Variants in CNTNAP2 observed in about 807,000 individuals in gnomAD.
The protein encoded by CNTNAP2 is contactin associated protein 2.
A neutral mutation model predicts 155.2 loss-of-function variants in CNTNAP2; 98 were observed. The ratio of observed to expected loss-of-function variants is 0.63; its 90% CI spans 0.54 to 0.75. CNTNAP2 has a LOEUF of 0.75. Ranked by LOEUF, CNTNAP2 falls within the 30% of genes least tolerant of loss-of-function variation. The probability of loss-of-function intolerance (pLI) is 0.00; values close to 1 mark genes in which losing one functional copy is unlikely to be tolerated. For synonymous variants in CNTNAP2, 651 were observed against 631.2 expected, an observed-to-expected ratio of 1.03 and a Z score of -0.47; for missense variants, 1,727 against 1,688.1, an observed-to-expected ratio of 1.02 and a Z score of -0.40.
At chr7:146,317,677 C>G (rs1164682855) in intron 1 of CNTNAP2, among the ~76,000 whole-genome samples, 1 of 152,214 alleles carries the variant, frequency 6.6e-6, no homozygotes, top group Non-Finnish European at 1.5e-5. Context: ...ATTGGTTCTT[C>G]TGTATTGGAT....
intron 13 of CNTNAP2, among the ~76,000 whole-genome samples, chr7:147,658,587 C>T (rs951991823): frequency 5.3e-5 from 8 of 152,260 alleles, no homozygotes; most frequent in African/African-American, 1.4e-4. Flanking sequence ...TTCTCTACCC[C>T]GCCAAATCTC....
intron 1 of CNTNAP2, among the ~76,000 whole-genome samples, chr7:146,221,088 T>C (rs1332227937): frequency 6.6e-6 from 1 of 152,214 alleles, no homozygotes; most frequent in Admixed American, 6.5e-5. Context: ...AGAATGAATC[T>C]GCATGAGTTG....
At chr7:146,602,713 A>G (rs1203359021) in intron 1 of CNTNAP2, among the ~76,000 whole-genome samples, 4 of 152,236 alleles carry the variant, frequency 2.6e-5, no homozygotes, top group Non-Finnish European at 5.9e-5. Flanking sequence ...AAAATATTAT[A>G]CTAAAGTCTA....
At position 146,692,060 on chromosome 7, in the gene CNTNAP2, A is replaced by T. The variant is rs528032067; in HGVS notation, c.98-82211A>T. Among the ~76,000 whole-genome samples, 4 of 152,254 alleles carry T rather than the reference A, an allele frequency of 2.6e-5. No individual in the cohort carries two copies. In the South Asian group the frequency reaches 8.3e-4, roughly 32 times the overall value. On this transcript the variant is annotated intron_variant, in intron 1 of 23. Transcript: ENST00000361727. ...AAAATTGGTCAGAGATGACAGTCTAACTAGCAAAAAAGGAATGTGTCTTTC... is the reference window on the plus strand; with the variant it reads ...AAAATTGGTCAGAGATGACAGTCTATCTAGCAAAAAAGGAATGTGTCTTTC...
chr7:146,379,779 G>C (rs753735789), intron 1 of CNTNAP2, among the ~76,000 whole-genome samples: 1 of 152,140 alleles, frequency 6.6e-6, no homozygotes, highest in African/African-American at 2.4e-5. Context: ...CTATAGGCAT[G>C]TGGGACGATA....
intron 2 of CNTNAP2, among the ~76,000 whole-genome samples, chr7:146,813,849 G>A (rs958892936): frequency 1.3e-5 from 2 of 152,098 alleles, no homozygotes; most frequent in Non-Finnish European, 2.9e-5. Flanking sequence ...CATGGGGATG[G>A]TTACCTGCAC....
intron 1 of CNTNAP2, among the ~76,000 whole-genome samples, chr7:146,669,476 G>T (rs1484099909): frequency 1.3e-5 from 2 of 152,142 alleles, no homozygotes; most frequent in Admixed American, 6.5e-5. Context: ...AACATCAATT[G>T]CGTGTAACCA....
chr7:147,395,533 G>T, intron 9 of CNTNAP2, 76 bp from the exon 10 acceptor site: 1 of 1,426,844 alleles, frequency 7.0e-7, no homozygotes, highest in Non-Finnish European at 9.9e-7. Flanking sequence ...CTGTGGCCAG[G>T]TAGAATACCC....
intron 8 of CNTNAP2, among the ~76,000 whole-genome samples, chr7:147,157,900 TTTA>T (rs1162428181): frequency 1.4e-4 from 21 of 152,262 alleles, no homozygotes; most frequent in African/African-American, 5.1e-4. Context: ...TATTGATGTT[TTTA>T]TTATCAGTAA....
At chr7:148,266,887 C>G in intron 20 of CNTNAP2, 146 bp from the exon 21 acceptor site, 1 of 757,210 alleles carries the variant, frequency 1.3e-6, no homozygotes, top group Non-Finnish European at 2.3e-6. Context: ...TCCATTTTCT[C>G]GGGGTGGTGT....
At chr7:147,738,841 G>C (rs1331795838) in intron 13 of CNTNAP2, among the ~76,000 whole-genome samples, 1 of 151,922 alleles carries the variant, frequency 6.6e-6, no homozygotes, top group East Asian at 1.9e-4. Context: ...TTTTAGTACA[G>C]ACAGGGTTTC....
At chr7:147,527,011 A>ATTTTTTTTTTTTT (rs1562981271) in intron 11 of CNTNAP2, among the ~76,000 whole-genome samples, 6 of 81,626 alleles carry the variant, frequency 7.4e-5, no homozygotes, top group African/African-American at 4.6e-4. Context: ...GAAGACAGGC[A>ATTTTTTTTTTTTT]TTTCTTTTTT....
intron 13 of CNTNAP2, among the ~76,000 whole-genome samples, chr7:147,763,183 C>T (rs7799501): frequency 0.11 from 16,056 of 150,942 alleles, 1,372 homozygotes; most frequent in African/African-American, 0.23. Flanking sequence ...CACTTGAACC[C>T]GGGAGGCGGA....
chr7:146,650,549 G>C (rs1019189518), intron 1 of CNTNAP2, among the ~76,000 whole-genome samples: 2 of 151,998 alleles, frequency 1.3e-5, no homozygotes, highest in Non-Finnish European at 2.9e-5. Context: ...GTTGCGGGGT[G>C]GGGGGCTAGG....
intron 1 of CNTNAP2, among the ~76,000 whole-genome samples, chr7:146,739,734 T>C (rs947582896): frequency 3.3e-5 from 5 of 152,186 alleles, no homozygotes; most frequent in Non-Finnish European, 7.4e-5. Context: ...TTGCTGTAAA[T>C]GGGTTGTAAA....
intron 8 of CNTNAP2, among the ~76,000 whole-genome samples, chr7:147,237,577 T>A (rs1803837357): frequency 6.6e-6 from 1 of 152,230 alleles, no homozygotes; most frequent in African/African-American, 2.4e-5. Context: ...AATGCCTGTG[T>A]TTATAATGAA....
intron 12 of CNTNAP2, among the ~76,000 whole-genome samples, chr7:147,567,711 G>C (rs920443959): frequency 6.6e-6 from 1 of 152,110 alleles, no homozygotes; most frequent in Non-Finnish European, 1.5e-5. Flanking sequence ...TGTTGCTTTG[G>C]GTCCCTGTAA....
At chr7:147,241,636 GA>G (rs773697991) in intron 8 of CNTNAP2, among the ~76,000 whole-genome samples, 3,068 of 63,154 alleles carry the variant, frequency 0.049, 75 homozygotes, top group African/African-American at 0.13. Flanking sequence ...TCAAAAAAAG[GA>G]AAAAAAAAAA....
chr7:146,982,825 G>A (rs1798044473), intron 3 of CNTNAP2, among the ~76,000 whole-genome samples: 1 of 152,120 alleles, frequency 6.6e-6, no homozygotes, highest in African/African-American at 2.4e-5. Flanking sequence ...TTTGCATTTG[G>A]ATTAACAGCA....
Sources: gnomAD v4.1 joint callset for allele counts (sites outside exome capture counted in the v4.1 genomes callset) on GRCh38, gnomAD v4.1.1 for gene constraint, MANE v1.5 for transcripts, NCBI Gene and HGNC (gene_info 2026-07-23, HGNC 2026-07-21) for gene names.